ARMC8: variants seen among roughly 807,000 people sequenced by gnomAD.
ARMC8 encodes the protein armadillo repeat-containing protein 8.
Under a neutral mutation model 99.3 loss-of-function variants are expected in ARMC8, and 20 were observed. That is an observed-to-expected ratio of 0.20 (90% CI 0.14 to 0.29). The LOEUF (loss-of-function observed/expected upper bound fraction) is 0.29, where lower values mean the gene tolerates loss of function less well. Ranked by LOEUF, ARMC8 falls within the 10% of genes least tolerant of loss-of-function variation. ARMC8 has a pLI of 1.00. For synonymous variants in ARMC8, 263 were observed against 278.3 expected (o/e 0.95, Z 0.55); for missense variants, 569 against 809.5 (o/e 0.70, Z 3.60).
chr3:138,228,517 A>G (rs1454585889), intron 5 of ARMC8, among the ~76,000 whole-genome samples: 6 of 152,212 alleles, frequency 3.9e-5, no homozygotes, highest in African/African-American at 7.2e-5. Context: ...TCGGAGATCA[A>G]AATTTTCAAA....
intron 3 of ARMC8, 59 bp downstream of exon 3, chr3:138,222,056 A>C: frequency 7.5e-7 from 1 of 1,331,164 alleles, no homozygotes; most frequent in South Asian, 1.2e-5. Flanking sequence ...TGTATTTCTT[A>C]CTCTCAATTA....
chr3:138,252,378 A>G (rs973424433), intron 12 of ARMC8, among the ~76,000 whole-genome samples: 4 of 152,158 alleles, frequency 2.6e-5, no homozygotes, highest in African/African-American at 9.7e-5. Flanking sequence ...ACAAAGTCTA[A>G]AATATTTACT....
intron 10 of ARMC8, 99 bp downstream of exon 10, chr3:138,239,627 G>C: frequency 2.8e-6 from 2 of 724,934 alleles, no homozygotes; most frequent in South Asian, 2.0e-5. Flanking sequence ...TTATCATTAT[G>C]ATATATGTGC....
At chr3:138,210,424 A>G (rs951439158) in intron 2 of ARMC8, among the ~76,000 whole-genome samples, 1 of 152,248 alleles carries the variant, frequency 6.6e-6, no homozygotes, top group African/African-American at 2.4e-5. Flanking sequence ...TTTTTAAGCA[A>G]CATACCAGAG....
intron 21 of ARMC8, among the ~76,000 whole-genome samples, chr3:138,291,321 T>G (rs915038639): frequency 1.3e-5 from 2 of 152,224 alleles, no homozygotes; most frequent in African/African-American, 4.8e-5. Flanking sequence ...GCACCCACCA[T>G]GTACACCCCA....
chr3:138,236,762 G>A (rs936922559), intron 7 of ARMC8, among the ~76,000 whole-genome samples: 2 of 151,978 alleles, frequency 1.3e-5, no homozygotes, highest in Non-Finnish European at 2.9e-5. Flanking sequence ...TCTCTTAGGA[G>A]CTTCTGGAAA....
chr3:138,199,133 T>C (rs1398859786), intron 1 of ARMC8, among the ~76,000 whole-genome samples: 1 of 152,122 alleles, frequency 6.6e-6, no homozygotes, highest in African/African-American at 2.4e-5. Flanking sequence ...TACAGAGCTT[T>C]GATTAATCTT....
chr3:138,252,629 A>G (rs1048160122), intron 12 of ARMC8, among the ~76,000 whole-genome samples: 1 of 140,498 alleles, frequency 7.1e-6, no homozygotes, highest in Non-Finnish European at 1.5e-5. Context: ...AATTTTTTGT[A>G]TTTTTAGTAG....
intron 1 of ARMC8, among the ~76,000 whole-genome samples, chr3:138,195,007 G>A (rs1001028590): frequency 1.3e-5 from 2 of 152,196 alleles, no homozygotes; most frequent in African/African-American, 2.4e-5. Context: ...AGGTGCAGTG[G>A]CTCACACCTG....
Position 138,274,557 on chromosome 3 carries a change from T to TTTC in ARMC8, c.1725+15_1725+17dup. On this transcript the variant is annotated intron_variant, in intron 18 of 21. Coordinates refer to ENST00000469044, the MANE Select transcript of ARMC8 (RefSeq NM_001363941.2). ...GGTCAAAGAGCAGGTACGTTGTTCC[T>TTTC]TTCTCTTGGGGAATATTTTCTGAAT... The TTTC allele has an allele frequency of 6.3e-7, 1 of 1,581,138 alleles. No homozygotes were observed.
At chr3:138,237,211 G>A (rs563346774) in intron 7 of ARMC8, 98 bp from the exon 8 acceptor site, 1 of 1,057,878 alleles carries the variant, frequency 9.5e-7, no homozygotes, top group South Asian at 1.4e-5. Context: ...ATTTTAAGCA[G>A]ATTTACATAA....
chr3:138,195,333 A>T (rs944518427), intron 1 of ARMC8, among the ~76,000 whole-genome samples: 2 of 151,940 alleles, frequency 1.3e-5, no homozygotes, highest in African/African-American at 2.4e-5. Context: ...AAATAAATTC[A>T]TCAATGAATC....
intron 18 of ARMC8, among the ~76,000 whole-genome samples, chr3:138,280,153 C>G (rs1296191951): frequency 6.6e-6 from 1 of 152,108 alleles, no homozygotes; most frequent in Non-Finnish European, 1.5e-5. Context: ...ATCTGCCCAC[C>G]TCGGCCTCCC....
chr3:138,194,254 A>C (rs1019138930), intron 1 of ARMC8, among the ~76,000 whole-genome samples: 2 of 150,830 alleles, frequency 1.3e-5, no homozygotes, highest in South Asian at 4.2e-4. Flanking sequence ...TGTGTTAGCC[A>C]GTATGGTCTC....
chr3:138,267,347 C>T (rs1380973037), intron 15 of ARMC8, 106 bp downstream of exon 15: 5 of 630,312 alleles, frequency 7.9e-6, no homozygotes, highest in Non-Finnish European at 1.1e-5. Flanking sequence ...GGTTTAAAAA[C>T]TACTTCGGAA....
chr3:138,287,680 A>G, intron 19 of ARMC8: 1 of 456,694 alleles, frequency 2.2e-6, no homozygotes, highest in Non-Finnish European at 4.4e-6. Flanking sequence ...TTAGAAGAAG[A>G]AAGAATCACT....
At chr3:138,259,004 G>A (rs1181313725) in intron 12 of ARMC8, among the ~76,000 whole-genome samples, 1 of 152,170 alleles carries the variant, frequency 6.6e-6, no homozygotes, top group Non-Finnish European at 1.5e-5. Context: ...TGGCCGAGGA[G>A]TCTCCAACAA....
At chr3:138,188,748 A>G (rs1480651731) in intron 1 of ARMC8, among the ~76,000 whole-genome samples, 1 of 152,196 alleles carries the variant, frequency 6.6e-6, no homozygotes, top group Non-Finnish European at 1.5e-5. Context: ...CACCTAGGAC[A>G]TTTGCTTATG....
At chr3:138,285,577 T>A (rs1232045103) in intron 19 of ARMC8, among the ~76,000 whole-genome samples, 1 of 152,204 alleles carries the variant, frequency 6.6e-6, no homozygotes, top group Non-Finnish European at 1.5e-5. Context: ...GAACTTATAC[T>A]TTCTTACTGG....
Sources: allele counts gnomAD v4.1 joint callset (sites outside exome capture counted in the v4.1 genomes callset), GRCh38; gene constraint gnomAD v4.1.1; transcripts MANE v1.5; gene names NCBI Gene and HGNC (gene_info 2026-07-23, HGNC 2026-07-21).